TGM6: variants seen among roughly 807,000 people sequenced by gnomAD.
TGM6 encodes the protein transglutaminase 6.
TGM6 carries 74 observed loss-of-function variants against 77.5 expected under a neutral mutation model. The observed-to-expected ratio is 0.96, with a 90% CI of 0.79 to 1.16. TGM6 has a LOEUF of 1.16. Among genes scored for constraint, TGM6 ranks in the 50% most tolerant of loss-of-function variants. The pLI is 0.00. For missense variants in TGM6, 968 were observed against 940.2 expected, an observed-to-expected ratio of 1.03 and a Z score of -0.39; for synonymous variants, 383 against 378.9, an observed-to-expected ratio of 1.01 and a Z score of -0.12.
intron 1 of TGM6, among the ~76,000 whole-genome samples, chr20:2,384,000 G>T (rs900040479): frequency 1.3e-5 from 2 of 151,786 alleles, no homozygotes; most frequent in Non-Finnish European, 2.9e-5. Flanking sequence ...CCAGCTTCTC[G>T]GGAGCCTGAG....
chr20:2,405,271 A>G (rs2084741773), intron 9 of TGM6, among the ~76,000 whole-genome samples: 1 of 152,240 alleles, frequency 6.6e-6, no homozygotes, highest in African/African-American at 2.4e-5. Flanking sequence ...CACTTCTGCC[A>G]CATTCTATTG....
At position 2,385,770 on chromosome 20, in the gene TGM6, T is replaced by C. The variant is rs79350333; in HGVS notation, c.7+4795T>C. Among the ~76,000 whole-genome samples, 178 of 152,212 alleles carry C rather than the reference T, an allele frequency of 1.2e-3. 4 individuals carry two copies. In the East Asian group the frequency reaches 0.032, roughly 28 times the overall value. On this transcript the variant is annotated intron_variant, in intron 1 of 12. Coordinates refer to ENST00000202625, the MANE Select transcript of TGM6 (RefSeq NM_198994.3). The stretch of plus-strand genomic sequence containing the variant: ...ACGCTGCAGAGCATCAGCTCCCCAT[T>C]CCGTACCCCAGCCAAGGGATGGGGA...
intron 1 of TGM6, 127 bp downstream of exon 1, chr20:2,381,102 A>T: frequency 7.3e-7 from 1 of 1,364,594 alleles, no homozygotes; most frequent in South Asian, 1.2e-5. Context: ...GTCCACCATG[A>T]ACACATGAAC....
chr20:2,396,653 T>C, intron 4 of TGM6, 29 bp downstream of exon 4: 2 of 1,609,950 alleles, frequency 1.2e-6, no homozygotes, highest in Non-Finnish European at 1.7e-6. Flanking sequence ...CAGACAAGGA[T>C]GTGGGCTGGG....
At chr20:2,409,919 C>A (rs1412358238) in intron 9 of TGM6, among the ~76,000 whole-genome samples, 1 of 152,080 alleles carries the variant, frequency 6.6e-6, no homozygotes. Flanking sequence ...AATCAAATTA[C>A]TAAAATTAGA....
intron 1 of TGM6, among the ~76,000 whole-genome samples, chr20:2,381,485 T>G (rs559628529): frequency 6.6e-6 from 1 of 152,334 alleles, no homozygotes; most frequent in Admixed American, 6.5e-5. Flanking sequence ...AAATTTGCCC[T>G]TGGTACCTCT....
At chr20:2,390,197 T>A (rs1436971061) in intron 1 of TGM6, among the ~76,000 whole-genome samples, 1 of 152,242 alleles carries the variant, frequency 6.6e-6, no homozygotes, top group Non-Finnish European at 1.5e-5. Flanking sequence ...TACTGATGTG[T>A]TCCTGGTGGT....
intron 1 of TGM6, among the ~76,000 whole-genome samples, chr20:2,394,181 C>T (rs557861610): frequency 6.6e-6 from 1 of 152,254 alleles, no homozygotes; most frequent in African/African-American, 2.4e-5. Flanking sequence ...CTAGTTCCAG[C>T]TACTCGGGAG....
intron 9 of TGM6, 90 bp downstream of exon 9, chr20:2,403,913 C>T (rs183084682): frequency 4.1e-4 from 652 of 1,604,666 alleles, no homozygotes; most frequent in Admixed American, 1.5e-3. Flanking sequence ...AGCCAGGCCT[C>T]ACCCCATGTA....
chr20:2,412,460 C>T (rs1407798288), intron 9 of TGM6, among the ~76,000 whole-genome samples: 1 of 151,542 alleles, frequency 6.6e-6, no homozygotes, highest in African/African-American at 2.4e-5. Context: ...GAAGTATACA[C>T]TTAAAAATGG....
In TGM6 at chr20:2,397,999, T is replaced by A; in HGVS notation, c.625T>A (p.Ser209Thr). The A allele has an allele frequency of 6.2e-7, 1 of 1,614,146 alleles. No individual in the cohort carries two copies. Among genetic ancestry groups the A allele is most frequent in the Non-Finnish European group, 8.5e-7 (1 of 1,180,028 alleles). ...CCAAAACAACCCAGCCACCGACGTG[T>A]CCTGCCGCCACAACCCCATCTACGT... ...GHQNNPATDV[S>T]CRHNPIYVTR... is the part of the protein sequence containing the mutation. Residue 209 changes from serine (S) to threonine (T), a missense_variant, in exon 5 of 13, where the codon TCC (serine) becomes ACC (threonine). By Grantham distance (58) the Ser-to-Thr change is moderately conservative. Coordinates refer to ENST00000202625, the MANE Select transcript of TGM6 (RefSeq NM_198994.3).
At chr20:2,423,676 G>A (rs2084870666) in intron 10 of TGM6, among the ~76,000 whole-genome samples, 1 of 152,086 alleles carries the variant, frequency 6.6e-6, no homozygotes, top group African/African-American at 2.4e-5. Flanking sequence ...CTCCTCCCAT[G>A]AATCATGAAT....
intron 1 of TGM6, 125 bp downstream of exon 1, chr20:2,381,100 T>C (rs1388433018): frequency 1.5e-6 from 2 of 1,359,486 alleles, no homozygotes; most frequent in Non-Finnish European, 2.1e-6. Context: ...TAGTCCACCA[T>C]GAACACATGA....
At chr20:2,416,446 C>T (rs552397987) in intron 9 of TGM6, among the ~76,000 whole-genome samples, 10 of 152,230 alleles carry the variant, frequency 6.6e-5, no homozygotes, top group Admixed American at 2.0e-4. Flanking sequence ...GTGTTGGGAC[C>T]GCTGTATACC....
intron 9 of TGM6, among the ~76,000 whole-genome samples, chr20:2,409,062 A>T (rs920499672): frequency 1.8e-4 from 28 of 152,196 alleles, no homozygotes; most frequent in African/African-American, 6.8e-4. Context: ...CATTATCCAG[A>T]ATTGACCATA....
At chr20:2,430,813 T>C in intron 11 of TGM6, 81 bp from the exon 12 acceptor site, 1 of 1,612,118 alleles carries the variant, frequency 6.2e-7, no homozygotes. Flanking sequence ...TAATGATCCA[T>C]CCTCTAACTC....
Position 2,403,962 on chromosome 20 carries a change from T to C in TGM6, c.1336+139T>C, listed in dbSNP as rs147041438. Reference sequence around the variant, plus strand: ...GCAGCTTCCATTCACGTTGTCTCTGTGCTCTGAGCCAAGTGCCTTTATTTA... The same window carrying C: ...GCAGCTTCCATTCACGTTGTCTCTGCGCTCTGAGCCAAGTGCCTTTATTTA... On this transcript the variant is annotated intron_variant, in intron 9 of 12. Coordinates refer to ENST00000202625, the MANE Select transcript of TGM6 (RefSeq NM_198994.3). 5,779 of 1,409,944 alleles carry C rather than the reference T, an allele frequency of 4.1e-3. 19 individuals are homozygous for C. The highest frequency in any genetic ancestry group is 4.8e-3 in the Non-Finnish European group (4,897 of 1,014,520). The allele number at this position is 1,409,944 out of a possible 1,614,324, so 87.3% of individuals were successfully genotyped here.
chr20:2,400,750 CCTT>C (rs1015029772), intron 7 of TGM6, among the ~76,000 whole-genome samples: 2 of 152,124 alleles, frequency 1.3e-5, no homozygotes, highest in African/African-American at 2.4e-5. Flanking sequence ...GGTGGGAACT[CCTT>C]CTGCACAGGT....
At chr20:2,432,445 G>A in intron 12 of TGM6, 45 bp from the exon 13 acceptor site, 1 of 1,611,920 alleles carries the variant, frequency 6.2e-7, no homozygotes, top group Non-Finnish European at 8.5e-7. Context: ...ACTCAGAATG[G>A]CAAGAGGACT....
Sources: gnomAD v4.1 joint callset for allele counts (sites outside exome capture counted in the v4.1 genomes callset) on GRCh38, gnomAD v4.1.1 for gene constraint, MANE v1.5 for transcripts, NCBI Gene and HGNC (gene_info 2026-07-23, HGNC 2026-07-21) for gene names.